Variants in CDH18 observed in about 807,000 individuals in gnomAD.
CDH18 encodes cadherin-18.
A neutral mutation model predicts 67.9 loss-of-function variants in CDH18; 31 were observed. The observed-to-expected ratio is 0.46, with a 90% CI of 0.34 to 0.62. The LOEUF is 0.62. Ranked by LOEUF, CDH18 falls within the 20% of genes least tolerant of loss-of-function variation. CDH18 has a pLI of 0.01. For synonymous variants in CDH18, 362 were observed against 347.2 expected (o/e 1.04, Z -0.48); for missense variants, 890 against 975.5 (o/e 0.91, Z 1.17).
chr5:20,047,747 G>A (rs1258485863), intron 2 of CDH18, among the ~76,000 whole-genome samples: 1 of 151,716 alleles, frequency 6.6e-6, no homozygotes, highest in African/African-American at 2.4e-5. Context: ...CAACCTTACA[G>A]ATGTGAAAAG....
At chr5:19,564,541 T>C (rs1740021166) in intron 8 of CDH18, among the ~76,000 whole-genome samples, 1 of 152,118 alleles carries the variant, frequency 6.6e-6, no homozygotes, top group South Asian at 2.1e-4. Context: ...AAAGATCCCT[T>C]GGACCTTGAG....
intron 5 of CDH18, among the ~76,000 whole-genome samples, chr5:19,638,648 T>TC (rs1184784457): frequency 1.2e-3 from 183 of 149,722 alleles, no homozygotes; most frequent in Admixed American, 1.9e-3. Flanking sequence ...GTTCCTGCCT[T>TC]CCCCCCCCGC....
intron 1 of CDH18, among the ~76,000 whole-genome samples, chr5:20,513,995 T>C (rs1484459654): frequency 2.0e-5 from 3 of 152,120 alleles, no homozygotes; most frequent in African/African-American, 7.2e-5. Flanking sequence ...ACTATGATAT[T>C]CCCATAGTGC....
At chr5:20,343,429 G>T (rs1399845450) in intron 1 of CDH18, among the ~76,000 whole-genome samples, 1 of 152,174 alleles carries the variant, frequency 6.6e-6, no homozygotes. Context: ...TGAAGGGAAT[G>T]CCATGTCCCC....
intron 2 of CDH18, among the ~76,000 whole-genome samples, chr5:20,041,096 A>G (rs1740381632): frequency 6.6e-6 from 1 of 152,200 alleles, no homozygotes; most frequent in Admixed American, 6.5e-5. Flanking sequence ...CTACTGAAGA[A>G]GGAAGCTGGT....
chr5:20,503,720 C>T (rs1754475609), intron 1 of CDH18, among the ~76,000 whole-genome samples: 1 of 152,122 alleles, frequency 6.6e-6, no homozygotes, highest in Admixed American at 6.6e-5. Flanking sequence ...CAGGAAAACA[C>T]ATTTTGACAT....
intron 7 of CDH18, among the ~76,000 whole-genome samples, chr5:19,576,910 GTTAC>G (rs1374365928): frequency 1.3e-4 from 19 of 151,566 alleles, no homozygotes; most frequent in Middle Eastern, 3.4e-3. Flanking sequence ...TATTTAGTCT[GTTAC>G]TTAAAAAAAG....
chr5:19,504,428 T>C (rs2126773635), intron 10 of CDH18, among the ~76,000 whole-genome samples: 1 of 152,152 alleles, frequency 6.6e-6, no homozygotes, highest in East Asian at 1.9e-4. Flanking sequence ...TTTTTTTTAT[T>C]TGAATACAAC....
chr5:20,407,733 T>TAA (rs201052975), intron 1 of CDH18, among the ~76,000 whole-genome samples: 70,476 of 151,162 alleles, frequency 0.47, 18,144 homozygotes, highest in Middle Eastern at 0.61. Context: ...TTTTTTTTTT[T>TAA]AAAAAACTTG....
intron 2 of CDH18, among the ~76,000 whole-genome samples, chr5:20,102,892 CA>C (rs1746595097): frequency 6.6e-6 from 1 of 152,084 alleles, no homozygotes; most frequent in Non-Finnish European, 1.5e-5. Context: ...CTCCTTCCTA[CA>C]AAAAGTGTTA....
intron 2 of CDH18, among the ~76,000 whole-genome samples, chr5:19,924,841 A>T (rs898223236): frequency 3.3e-5 from 5 of 152,066 alleles, no homozygotes; most frequent in African/African-American, 9.7e-5. Context: ...GTGCAAATAG[A>T]TCAACTCTTT....
At chr5:20,378,716 T>C (rs1370271678) in intron 1 of CDH18, among the ~76,000 whole-genome samples, 1 of 152,130 alleles carries the variant, frequency 6.6e-6, no homozygotes, top group African/African-American at 2.4e-5. Flanking sequence ...TTCATTGCTG[T>C]TGAACTGAGT....
chr5:19,606,273 A>T (rs891832600), intron 6 of CDH18, among the ~76,000 whole-genome samples: 1 of 152,086 alleles, frequency 6.6e-6, no homozygotes, highest in Non-Finnish European at 1.5e-5. Flanking sequence ...CCTTTATGTA[A>T]TGTTCAATCA....
At chr5:20,372,235 T>C (rs1029244427) in intron 1 of CDH18, among the ~76,000 whole-genome samples, 8 of 152,200 alleles carry the variant, frequency 5.3e-5, no homozygotes, top group Non-Finnish European at 1.2e-4. Flanking sequence ...TATAATATTT[T>C]AGTTGTACAT....
chr5:20,393,997 C>T (rs1745083095), intron 1 of CDH18, among the ~76,000 whole-genome samples: 2 of 151,936 alleles, frequency 1.3e-5, no homozygotes, highest in East Asian at 1.9e-4. Flanking sequence ...AAGCAGATAA[C>T]AGATTCAATG....
intron 2 of CDH18, among the ~76,000 whole-genome samples, chr5:20,081,877 A>C (rs1292338827): frequency 6.6e-6 from 1 of 152,140 alleles, no homozygotes; most frequent in Non-Finnish European, 1.5e-5. Flanking sequence ...AAGAATTTAC[A>C]CCAAACCAAG....
chr5:19,547,635 A>C (rs1736569410), intron 8 of CDH18, among the ~76,000 whole-genome samples: 1 of 152,174 alleles, frequency 6.6e-6, no homozygotes, highest in African/African-American at 2.4e-5. Context: ...TTTTAGAGTT[A>C]AACATTTTAA....
intron 5 of CDH18, among the ~76,000 whole-genome samples, chr5:19,661,146 AT>A (rs143279256): frequency 0.074 from 11,265 of 152,020 alleles, 699 homozygotes; most frequent in East Asian, 0.25. Context: ...AAAAAGTTAC[AT>A]TTACATAGCT....
chr5:20,402,494 G>A (rs866042147), intron 1 of CDH18, among the ~76,000 whole-genome samples: 95 of 152,060 alleles, frequency 6.2e-4, no homozygotes, highest in Admixed American at 7.9e-4. Context: ...TCACAGATTC[G>A]GTTTCAGATC....
Sources: allele counts gnomAD v4.1 joint callset (sites outside exome capture counted in the v4.1 genomes callset), GRCh38; gene constraint gnomAD v4.1.1; transcripts MANE v1.5; gene names NCBI Gene and HGNC (gene_info 2026-07-23, HGNC 2026-07-21).